ANTXR1: variants seen among roughly 807,000 people sequenced by gnomAD.
ANTXR1 encodes anthrax toxin receptor 1.
A neutral mutation model predicts 78.1 loss-of-function variants in ANTXR1; 19 were observed. The observed-to-expected ratio is 0.24, with a 90% CI of 0.17 to 0.36. ANTXR1 has a LOEUF of 0.36. Ranked by LOEUF, ANTXR1 falls within the 10% of genes least tolerant of loss-of-function variation. The pLI, the probability that ANTXR1 is intolerant of heterozygous loss-of-function variation, is 1.00. For synonymous variants in ANTXR1, 273 were observed against 260.5 expected (o/e 1.05, Z -0.46); for missense variants, 518 against 718.6 (o/e 0.72, Z 3.19).
At chr2:69,179,747 G>A (rs10221913) in intron 14 of ANTXR1, among the ~76,000 whole-genome samples, 87,679 of 152,022 alleles carry the variant, frequency 0.58, 28,218 homozygotes, top group East Asian at 0.9. Context: ...CTCTATTCTC[G>A]TTCTCTAAAA....
chr2:69,017,472 T>G (rs1671057779), intron 1 of ANTXR1, among the ~76,000 whole-genome samples: 1 of 152,194 alleles, frequency 6.6e-6, no homozygotes, highest in South Asian at 2.1e-4. Context: ...CCCATGACAT[T>G]AAATCTCAGC....
chr2:69,234,435 A>G (rs1340618273), intron 17 of ANTXR1, among the ~76,000 whole-genome samples: 1 of 152,224 alleles, frequency 6.6e-6, no homozygotes, highest in African/African-American at 2.4e-5. Flanking sequence ...ATTCCAGATG[A>G]TAATAGTTAA....
chr2:69,013,174 T>C (rs1670913863), upstream of ANTXR1: 2 of 146,658 alleles, frequency 1.4e-5, no homozygotes, highest in African/African-American at 3.1e-5. The surrounding 1 kb of genome is among the most constrained non-coding windows in gnomAD (Gnocchi z 5.0). Flanking sequence ...CAAAGAACCG[T>C]CGGGACGGAA....
At chr2:69,221,387 G>T (rs1483080647) in intron 17 of ANTXR1, among the ~76,000 whole-genome samples, 1 of 152,190 alleles carries the variant, frequency 6.6e-6, no homozygotes, top group Non-Finnish European at 1.5e-5. Flanking sequence ...CAGTTCTCCA[G>T]ATTAAGCCCC....
At chr2:69,223,052 G>A (rs539953772) in intron 17 of ANTXR1, among the ~76,000 whole-genome samples, 1 of 152,308 alleles carries the variant, frequency 6.6e-6, no homozygotes, top group South Asian at 2.1e-4. Flanking sequence ...GGGACCCTGA[G>A]GTCCAGTGTG....
At chr2:69,200,182 A>G (rs141803709) in intron 17 of ANTXR1, among the ~76,000 whole-genome samples, 1 of 152,166 alleles carries the variant, frequency 6.6e-6, no homozygotes. Context: ...AGGCCGGTAC[A>G]TTCCATTACT....
intron 1 of ANTXR1, among the ~76,000 whole-genome samples, chr2:69,019,547 T>C (rs992539825): frequency 3.9e-5 from 6 of 152,146 alleles, no homozygotes; most frequent in African/African-American, 1.4e-4. Flanking sequence ...TTTCAACTTT[T>C]AAGTTCAGGG....
intron 2 of ANTXR1, among the ~76,000 whole-genome samples, chr2:69,041,339 A>G (rs1261267660): frequency 6.6e-6 from 1 of 152,224 alleles, no homozygotes; most frequent in East Asian, 1.9e-4. Flanking sequence ...TAGTTGGACA[A>G]TTCCAGTTTT....
At chr2:69,153,032 A>C (rs975109238) in intron 13 of ANTXR1, among the ~76,000 whole-genome samples, 6 of 152,208 alleles carry the variant, frequency 3.9e-5, no homozygotes, top group Non-Finnish European at 8.8e-5. Flanking sequence ...AAGAAAAAAA[A>C]ACATTCCCTG....
intron 8 of ANTXR1, among the ~76,000 whole-genome samples, chr2:69,084,600 T>G (rs913863919): frequency 6.7e-6 from 1 of 149,762 alleles, no homozygotes; most frequent in African/African-American, 2.4e-5. Flanking sequence ...AGTTTTTTTT[T>G]TTTTTTTTTT....
At chr2:69,231,703 G>A (rs560184579) in intron 17 of ANTXR1, among the ~76,000 whole-genome samples, 1 of 152,308 alleles carries the variant, frequency 6.6e-6, no homozygotes, top group Non-Finnish European at 1.5e-5. Context: ...GGACATCCCA[G>A]AGGGCTTCTT....
At chr2:69,155,946 T>G (rs1673511707) in intron 13 of ANTXR1, among the ~76,000 whole-genome samples, 1 of 152,128 alleles carries the variant, frequency 6.6e-6, no homozygotes, top group African/African-American at 2.4e-5. Context: ...GCTCTCAGTT[T>G]CATGACTCCA....
intron 12 of ANTXR1, among the ~76,000 whole-genome samples, chr2:69,126,828 T>C (rs547507672): frequency 8.5e-5 from 13 of 152,368 alleles, no homozygotes; most frequent in African/African-American, 3.1e-4. Context: ...AGTTACATCT[T>C]ACATCTCCCT....
In ANTXR1 at chr2:69,139,826, CG is replaced by C. The variant is rs538623229; in HGVS notation, c.952-12341del. The stretch of plus-strand genomic sequence containing the variant: ...TACATTAAATAAATGGCTACATTAA[CG>C]GTAAGTAAACGAATCACTATATTTA... On this transcript the variant is annotated intron_variant, in intron 12 of 17. Coordinates refer to ENST00000303714, the MANE Select transcript of ANTXR1 (RefSeq NM_032208.3). Among the ~76,000 whole-genome samples, 23 of 152,234 alleles carry C rather than the reference CG, an allele frequency of 1.5e-4. No homozygotes were observed. In the East Asian group the frequency reaches 4.4e-3, roughly 29 times the overall value.
At chr2:69,105,439 T>C (rs115776091) in intron 10 of ANTXR1, among the ~76,000 whole-genome samples, 1 of 152,334 alleles carries the variant, frequency 6.6e-6, no homozygotes, top group African/African-American at 2.4e-5. Flanking sequence ...TTAAAAATAT[T>C]CTAAGGGGAA....
chr2:69,218,661 G>A (rs1675239127), intron 17 of ANTXR1, among the ~76,000 whole-genome samples: 1 of 152,166 alleles, frequency 6.6e-6, no homozygotes, highest in Admixed American at 6.5e-5. Flanking sequence ...TCTAGGAGGG[G>A]TAGTACTTCC....
At chr2:69,176,083 CCACACACACATACACA>C (rs1393656383) in intron 14 of ANTXR1, among the ~76,000 whole-genome samples, 3 of 151,404 alleles carry the variant, frequency 2.0e-5, no homozygotes, top group African/African-American at 2.4e-5. Context: ...AGACACCCCC[CCACACACACATACACA>C]CACACACACA....
At position 69,013,606 on chromosome 2, in the gene ANTXR1, G is replaced by A. The variant is rs1021218359; in HGVS notation, c.107G>A (p.Gly36Asp). The part of the protein sequence containing the change: ...AGQGGRREDG[G>D]PACYGGFDLY... ...CAAGGGGGACGCAGGGAGGATGGGG[G>A]TCCAGCCTGCTACGGCGGATTTGAC... The change falls in exon 1 of 18, where the codon GGT (glycine) becomes GAT (aspartate). Residue 36 changes from glycine to aspartate, a missense_variant. Physicochemically the swap from Gly to Asp is moderately conservative, Grantham distance 94. This residue lies in a region of ANTXR1 where 55 missense variants were observed against 52.5 expected (regional missense o/e 1.05). Coordinates refer to ENST00000303714, the MANE Select transcript of ANTXR1 (RefSeq NM_032208.3). This position sits in a 1 kb window ranked among gnomAD's most constrained non-coding sequence, Gnocchi z 5.0. 48 of 1,560,012 alleles carry A rather than the reference G, an allele frequency of 3.1e-5. No homozygotes were observed. Among genetic ancestry groups the A allele is most frequent in the Non-Finnish European group, 3.6e-5 (42 of 1,151,004 alleles).
chr2:69,211,592 G>C (rs1263246747), intron 17 of ANTXR1, among the ~76,000 whole-genome samples: 1 of 152,246 alleles, frequency 6.6e-6, no homozygotes, highest in East Asian at 1.9e-4. Context: ...GTGTTAAAGA[G>C]GGCTTTTTCT....
Sources: allele counts gnomAD v4.1 joint callset (sites outside exome capture counted in the v4.1 genomes callset), GRCh38; gene constraint gnomAD v4.1.1; regional missense constraint gnomAD v4.1.1; non-coding constraint Gnocchi (gnomAD v3.1); transcripts MANE v1.5; gene names NCBI Gene and HGNC (gene_info 2026-07-23, HGNC 2026-07-21).